Variants in TICRR observed in about 807,000 individuals in gnomAD.
The protein encoded by TICRR is treslin.
A neutral mutation model predicts 178.1 loss-of-function variants in TICRR; 132 were observed. The observed-to-expected ratio is 0.74, with a 90% confidence interval of 0.64 to 0.86. The LOEUF is 0.86. TICRR is among the 40% of genes least tolerant of loss of function. TICRR has a pLI of 0.00. For missense variants in TICRR, 2,587 were observed against 2,334.3 expected (o/e 1.11, Z -2.23); for synonymous variants, 991 against 900.7 (o/e 1.10, Z -1.79).
intron 9 of TICRR, 104 bp from the exon 10 acceptor site, chr15:89,601,194 T>G (rs1963088801): frequency 3.3e-6 from 3 of 920,672 alleles, no homozygotes; most frequent in Non-Finnish European, 4.9e-6. Context: ...GCTCTCCTCC[T>G]TTTTGGTTGT....
chr15:89,622,230 C>T (rs754170854), intron 19 of TICRR, among the ~76,000 whole-genome samples: 36 of 152,140 alleles, frequency 2.4e-4, no homozygotes, highest in Non-Finnish European at 4.9e-4. Context: ...AAGTGATCCA[C>T]CTGCCTCAGC....
intron 19 of TICRR, 150 bp from the exon 20 acceptor site, chr15:89,623,473 A>G: frequency 1.2e-6 from 1 of 811,194 alleles, no homozygotes; most frequent in South Asian, 2.0e-5. Flanking sequence ...TGTTTTGGAG[A>G]GGGAAACGGG....
At chr15:89,616,364 GT>G in intron 15 of TICRR, 40 bp from the exon 16 acceptor site, 1 of 1,576,502 alleles carries the variant, frequency 6.3e-7, no homozygotes, top group Middle Eastern at 1.7e-4. Flanking sequence ...TCTTGATGAG[GT>G]TAAATGAAAT....
intron 1 of TICRR, among the ~76,000 whole-genome samples, chr15:89,576,860 TAC>T (rs374061866): frequency 1.0e-3 from 129 of 128,586 alleles, no homozygotes; most frequent in South Asian, 8.2e-3. Flanking sequence ...TATATATATA[TAC>T]ACACACACAC....
chr15:89,575,556 A>ACCGGGGCC lies in TICRR; in HGVS notation c.-23_-16dup. 1 of 1,445,732 alleles carries ACCGGGGCC rather than the reference A, an allele frequency of 6.9e-7. No individual in the cohort carries two copies. Among genetic ancestry groups the ACCGGGGCC allele is most frequent in the African/African-American group, 1.5e-5 (1 of 68,408 alleles). 89.6% of individuals were successfully genotyped at this position (1,445,732 alleles called of 1,614,324 possible). On this transcript the variant is annotated 5_prime_UTR_variant, in exon 1 of 22. Transcript: ENST00000268138. ...CTAAGGGACGGTGGCGCGGGCCCGG[A>ACCGGGGCC]CCGGGGCCCCGGGGCGGCGGCACGG...
intron 18 of TICRR, among the ~76,000 whole-genome samples, chr15:89,620,230 A>T (rs907920080): frequency 3.9e-5 from 6 of 152,122 alleles, no homozygotes; most frequent in Non-Finnish European, 8.8e-5. Context: ...TTTTTTTGAG[A>T]CAAGGTCTCA....
intron 16 of TICRR, 121 bp from the exon 17 acceptor site, chr15:89,618,031 G>T: frequency 1.0e-6 from 1 of 997,368 alleles, no homozygotes; most frequent in South Asian, 1.3e-5. Context: ...CCCTTTACCA[G>T]CACTGGTGTT....
At chr15:89,581,329 C>T (rs1010272365) in intron 1 of TICRR, among the ~76,000 whole-genome samples, 16 of 152,150 alleles carry the variant, frequency 1.1e-4, no homozygotes, top group African/African-American at 3.6e-4. Flanking sequence ...TGTGATGCCA[C>T]GTTAAACATT....
chr15:89,623,547 C>T (rs1258698831), intron 19 of TICRR, 76 bp from the exon 20 acceptor site: 1 of 1,412,814 alleles, frequency 7.1e-7, no homozygotes, highest in Non-Finnish European at 9.6e-7. Context: ...CCCATTTGGT[C>T]TTAGAGATTA....
chr15:89,577,149 C>G (rs1962637770), intron 1 of TICRR, among the ~76,000 whole-genome samples: 1 of 152,020 alleles, frequency 6.6e-6, no homozygotes, highest in African/African-American at 2.4e-5. Context: ...GCCTTGGCCT[C>G]CCGAAGTGCC....
At chr15:89,621,668 A>T in intron 19 of TICRR, 118 bp downstream of exon 19, 1 of 805,626 alleles carries the variant, frequency 1.2e-6, no homozygotes, top group Non-Finnish European at 1.9e-6. Flanking sequence ...AATACTAGAG[A>T]TTGGAGGTGA....
intron 17 of TICRR, among the ~76,000 whole-genome samples, chr15:89,618,485 A>T (rs1353810374): frequency 6.6e-6 from 1 of 152,236 alleles, no homozygotes; most frequent in Non-Finnish European, 1.5e-5. Context: ...TTATTTTAAA[A>T]GTATATATAA....
intron 2 of TICRR, among the ~76,000 whole-genome samples, chr15:89,583,306 C>T (rs935151185): frequency 2.6e-5 from 4 of 152,078 alleles, no homozygotes; most frequent in African/African-American, 4.8e-5. Flanking sequence ...AATTGAAGAC[C>T]ATAGAGAAAC....
At position 89,602,801 on chromosome 15, in the gene TICRR, A is replaced by T; in HGVS notation, c.2573A>T (p.Asn858Ile). 1 of 1,465,298 alleles carries T rather than the reference A, an allele frequency of 6.8e-7. No individual in the cohort carries two copies. The highest frequency in any genetic ancestry group is 9.1e-7 in the Non-Finnish European group (1 of 1,104,458). 90.8% of individuals were successfully genotyped at this position (1,465,298 alleles called of 1,614,324 possible). A position where few individuals can be genotyped will look rare whatever the true frequency, so the allele number is the denominator to read the frequency against. ...ACTATTTCTATTTTTAAAAGGAAAA[A>T]TGCATTAATAAGACATAAAAGCATT... ...RTRSAKKRRK[N>I]ALIRHKSIAE... The change falls in exon 13 of 22, where the codon AAT (asparagine) becomes ATT (isoleucine). Residue 858 changes from asparagine (N) to isoleucine (I), a missense_variant. By Grantham distance (149) the Asn-to-Ile change is moderately radical. Transcript: ENST00000268138.
Position 89,575,727 on chromosome 15 carries a change from C to G in TICRR, c.141C>G (p.Phe47Leu). ...GCCTGGCCAGGGTCCACTGGGCCTT[C>G]AAGTTCTTTGACTCGCAGGGGGCGC... ...RFGLARVHWA[F>L]KFFDSQGARS... is the part of the protein sequence containing the mutation. Residue 47 changes from phenylalanine to leucine, a missense_variant, in exon 1 of 22, where the codon TTC becomes TTG. Transcript: ENST00000268138. 1 of 1,610,216 alleles carries G rather than the reference C, an allele frequency of 6.2e-7. No homozygotes were observed.
In TICRR at chr15:89,575,550, G is replaced by T. The variant is rs1322104097; in HGVS notation, c.-37G>T. The T allele has an allele frequency of 6.9e-7, 1 of 1,446,322 alleles. No individual in the cohort carries two copies. Among genetic ancestry groups the T allele is most frequent in the Non-Finnish European group, 9.0e-7 (1 of 1,107,164 alleles). 89.6% of individuals were successfully genotyped at this position (1,446,322 alleles called of 1,614,324 possible). ...AAGGGACTAAGGGACGGTGGCGCGG[G>T]CCCGGACCGGGGCCCCGGGGCGGCG... On this transcript the variant is annotated 5_prime_UTR_variant, in exon 1 of 22. Transcript: ENST00000268138.
rs774748345 is a variant in TICRR, at chr15:89,600,585, G to A, written c.2053G>A (p.Val685Met). ...LKSKGTKELE[V>M]NCLNQVKSSL... is the part of the protein sequence containing the mutation. ...CTATGTAATAATTTTGTATTTTTAGGTGAACTGCCTGAATCAAGTAAAAAG... is the reference window on the plus strand; with the variant it reads ...CTATGTAATAATTTTGTATTTTTAGATGAACTGCCTGAATCAAGTAAAAAG... Residue 685 changes from valine to methionine, a missense_variant and splice_region_variant, in exon 9 of 22, where the codon GTG (valine) becomes ATG (methionine). By Grantham distance (21) the Val-to-Met change is conservative. Coordinates refer to ENST00000268138, the MANE Select transcript of TICRR (RefSeq NM_152259.4). 3 of 1,510,466 alleles carry A rather than the reference G, an allele frequency of 2.0e-6. No homozygotes were observed. The highest frequency in any genetic ancestry group is 2.7e-6 in the Non-Finnish European group (3 of 1,113,146). 93.6% of individuals were successfully genotyped at this position (1,510,466 alleles called of 1,614,324 possible).
chr15:89,578,102 A>G (rs1301609811), intron 1 of TICRR, among the ~76,000 whole-genome samples: 4 of 152,190 alleles, frequency 2.6e-5, no homozygotes, highest in African/African-American at 9.7e-5. Flanking sequence ...AGAGAAAGTC[A>G]GAAAGCAGGA....
chr15:89,606,809 G>A lies in TICRR; in HGVS notation c.2706G>A (p.Val902=), dbSNP rs1963182530. ...CTCCTCAGCAGCCTTCCCAGCCAGT[G>A]AAAGATACAGTGCAAGGTATACTGT... ...HPAPQQPSQP[V]KDTVQEVTKV... The change falls in exon 14 of 22, where the codon GTG becomes GTA. Residue 902 remains valine, a synonymous_variant. Transcript: ENST00000268138. 6.2e-6 allele frequency: 10 copies of A among 1,613,730 alleles called. No individual in the cohort carries two copies. Among genetic ancestry groups the A allele is most frequent in the Non-Finnish European group, 7.6e-6 (9 of 1,179,810 alleles).
Sources: gnomAD v4.1 joint callset for allele counts (sites outside exome capture counted in the v4.1 genomes callset) on GRCh38, gnomAD v4.1.1 for gene constraint, MANE v1.5 for transcripts, NCBI Gene and HGNC (gene_info 2026-07-23, HGNC 2026-07-21) for gene names.